JAK1: variants seen among roughly 807,000 people sequenced by gnomAD.
JAK1 encodes the protein tyrosine-protein kinase JAK1.
Under a neutral mutation model 136.6 loss-of-function variants are expected in JAK1, and 16 were observed. That is an observed-to-expected ratio of 0.12 (90% CI 0.08 to 0.18). The LOEUF (loss-of-function observed/expected upper bound fraction) is 0.18. Ranked by LOEUF, JAK1 falls within the 10% of genes least tolerant of loss-of-function variation. The pLI, the probability that JAK1 is intolerant of heterozygous loss-of-function variation, is 1.00. For synonymous variants in JAK1, 492 were observed against 519.5 expected (o/e 0.95, Z 0.72); for missense variants, 859 against 1,450.1 (o/e 0.59, Z 6.62).
At chr1:65,054,771 C>T (rs1647454102) in intron 1 of JAK1, among the ~76,000 whole-genome samples, 1 of 45,080 alleles carries the variant, frequency 2.2e-5, no homozygotes, top group African/African-American at 6.0e-5. Context: ...ATATTCATTG[C>T]TACTATATTG....
rs548705678 is a variant in JAK1, at chr1:64,953,750, C to G, written c.-78+12583G>C. Among the ~76,000 whole-genome samples the G allele has an allele frequency of 1.1e-4, 17 of 152,320 alleles. No homozygotes were observed. The East Asian group carries it at 2.9e-3, about 26-fold the overall frequency. ...TCTCAGCTCACTGCAACCTCTGCCT[C>G]CCAGGTTCATGCAATTCTCCCGCCT... On this transcript the variant is annotated intron_variant, in intron 1 of 24. Transcript: ENST00000342505.
At chr1:64,991,882 A>C (rs1646659757) in intron 2 of JAK1, 2 of 152,252 alleles carry the variant, frequency 1.3e-5, no homozygotes, top group Non-Finnish European at 2.9e-5. Context: ...CCAAAGAAGT[A>C]AATATTATAC....
intron 13 of JAK1, chr1:64,847,043 A>G: frequency 4.1e-6 from 2 of 484,740 alleles, no homozygotes; most frequent in South Asian, 3.0e-5. Flanking sequence ...TCTTCCTTTC[A>G]GCTCTGGGAA....
chr1:64,846,931 G>A lies in JAK1; in HGVS notation c.1900-195C>T, dbSNP rs1358142051. Reference sequence around the variant, plus strand: ...CTTGTTCTCTGGGCCAACCTGGCAGGGATGTGAGGTTTATTTAGAAAACCT... The same window carrying A: ...CTTGTTCTCTGGGCCAACCTGGCAGAGATGTGAGGTTTATTTAGAAAACCT... On this transcript the variant is annotated intron_variant, in intron 13 of 24. Coordinates refer to ENST00000342505, the MANE Select transcript of JAK1 (RefSeq NM_002227.4). The A allele has an allele frequency of 1.4e-5, 8 of 583,668 alleles. No individual in the cohort carries two copies. In the Admixed American group the frequency reaches 1.5e-4, roughly 11 times the overall value. 36.2% of individuals were successfully genotyped at this position (583,668 alleles called of 1,614,324 possible).
intron 1 of JAK1, among the ~76,000 whole-genome samples, chr1:64,952,099 C>T (rs1646102255): frequency 1.3e-5 from 2 of 152,172 alleles, no homozygotes; most frequent in South Asian, 4.1e-4. Flanking sequence ...GTATCTGAAA[C>T]GCTATACATT....
At chr1:64,901,781 C>G (rs1380477583) in intron 1 of JAK1, among the ~76,000 whole-genome samples, 1 of 152,064 alleles carries the variant, frequency 6.6e-6, no homozygotes, top group Non-Finnish European at 1.5e-5. Context: ...AAAAAGAAAC[C>G]CCATGTCACT....
At chr1:64,978,501 G>A (rs1464345442) in intron 2 of JAK1, among the ~76,000 whole-genome samples, 2 of 152,044 alleles carry the variant, frequency 1.3e-5, no homozygotes, top group Non-Finnish European at 1.5e-5. Flanking sequence ...TATAATTAAC[G>A]GCAACATAAC....
chr1:65,048,208 A>T (rs1050288558), intron 1 of JAK1, among the ~76,000 whole-genome samples: 1 of 152,238 alleles, frequency 6.6e-6, no homozygotes, highest in Admixed American at 6.5e-5. Context: ...GAAATGCAGA[A>T]ACCTGGGCTT....
intron 1 of JAK1, among the ~76,000 whole-genome samples, chr1:64,936,452 T>C (rs1645790633): frequency 6.6e-6 from 1 of 152,228 alleles, no homozygotes; most frequent in Non-Finnish European, 1.5e-5. Flanking sequence ...TCTAAGACTC[T>C]TGTATTGTGG....
chr1:65,053,023 CTT>C (rs1244556680), intron 1 of JAK1, among the ~76,000 whole-genome samples: 3 of 115,690 alleles, frequency 2.6e-5, no homozygotes, highest in African/African-American at 7.8e-5. Context: ...GAGCAAGACT[CTT>C]GTCTCAAAAA....
chr1:64,898,265 C>T (rs980078047), intron 1 of JAK1, among the ~76,000 whole-genome samples: 1 of 152,192 alleles, frequency 6.6e-6, no homozygotes, highest in African/African-American at 2.4e-5. Context: ...CCTCTGCTAG[C>T]ACAGTCGGAG....
chr1:64,914,593 C>CTCA (rs1296145946), intron 1 of JAK1, among the ~76,000 whole-genome samples: 1 of 152,188 alleles, frequency 6.6e-6, no homozygotes, highest in African/African-American at 2.4e-5. Flanking sequence ...GAGACAGAGT[C>CTCA]TCATCTGTCA....
intron 24 of JAK1, 36 bp downstream of exon 24, chr1:64,835,360 A>G: frequency 9.0e-7 from 1 of 1,115,612 alleles, no homozygotes; most frequent in East Asian, 2.5e-5. Context: ...CATAATAGAA[A>G]TGGAGTGTTA....
At chr1:64,947,189 C>T (rs1355790511) in intron 1 of JAK1, among the ~76,000 whole-genome samples, 1 of 152,094 alleles carries the variant, frequency 6.6e-6, no homozygotes, top group Non-Finnish European at 1.5e-5. Flanking sequence ...TTAAAAATGG[C>T]TCACATGGTA....
At chr1:64,873,259 G>A (rs541647783) in intron 5 of JAK1, 111 bp downstream of exon 5, 1 of 1,260,006 alleles carries the variant, frequency 7.9e-7, no homozygotes, top group East Asian at 2.4e-5. Flanking sequence ...ACCCAGAACA[G>A]GCCTTAAAGC....
chr1:65,056,417 TG>T (rs1647540852), intron 1 of JAK1, among the ~76,000 whole-genome samples: 1 of 152,190 alleles, frequency 6.6e-6, no homozygotes, highest in Admixed American at 6.5e-5. Flanking sequence ...TAAAGGGAAC[TG>T]CAATCACCAG....
At chr1:65,067,480 C>G (rs543496466) in intron 1 of JAK1, 35 of 147,140 alleles carry the variant, frequency 2.4e-4, no homozygotes, top group African/African-American at 8.3e-4. Context: ...GGCGCGCACT[C>G]GGACGTCCAC....
At chr1:64,889,193 A>T (rs1644897446) in intron 1 of JAK1, among the ~76,000 whole-genome samples, 1 of 152,262 alleles carries the variant, frequency 6.6e-6, no homozygotes, top group Non-Finnish European at 1.5e-5. Context: ...AATTCCAAGA[A>T]ATAAATTCAA....
chr1:64,903,271 C>A (rs1645140104), intron 1 of JAK1, among the ~76,000 whole-genome samples: 1 of 152,204 alleles, frequency 6.6e-6, no homozygotes, highest in Admixed American at 6.5e-5. Flanking sequence ...AGGTGATCCA[C>A]CGGCCTCGGC....
Sources: allele counts gnomAD v4.1 joint callset (sites outside exome capture counted in the v4.1 genomes callset), GRCh38; gene constraint gnomAD v4.1.1; transcripts MANE v1.5; gene names NCBI Gene and HGNC (gene_info 2026-07-23, HGNC 2026-07-21).